Variants in JMJD1C observed in about 807,000 individuals in gnomAD.
JMJD1C encodes jumonji domain containing 1C.
Under a neutral mutation model 245.3 loss-of-function variants are expected in JMJD1C, and 31 were observed. That is an observed-to-expected ratio of 0.13 (90% CI 0.09 to 0.17). The LOEUF (loss-of-function observed/expected upper bound fraction) is 0.17. Ranked by LOEUF, JMJD1C falls within the 10% of genes least tolerant of loss-of-function variation. The probability of loss-of-function intolerance (pLI) is 1.00; values close to 1 mark genes in which losing one functional copy is unlikely to be tolerated. For synonymous variants in JMJD1C, 1,057 were observed against 1,017.4 expected (o/e 1.04, Z -0.74); for missense variants, 2,691 against 3,000.2 (o/e 0.90, Z 2.41).
At chr10:63,310,559 CG>C (rs1245179640) in intron 2 of JMJD1C, among the ~76,000 whole-genome samples, 1 of 152,026 alleles carries the variant, frequency 6.6e-6, no homozygotes, top group African/African-American at 2.4e-5. Flanking sequence ...TGCTTAGAAA[CG>C]TAATACACTA....
chr10:63,301,264 C>T (rs1026866748), intron 2 of JMJD1C, among the ~76,000 whole-genome samples: 2 of 152,228 alleles, frequency 1.3e-5, no homozygotes, highest in African/African-American at 4.8e-5. Flanking sequence ...ATCCTCCCAC[C>T]TTGGCCTACC....
chr10:63,451,863 G>T (rs146200558), intron 1 of JMJD1C, among the ~76,000 whole-genome samples: 75 of 152,290 alleles, frequency 4.9e-4, no homozygotes, highest in African/African-American at 1.7e-3. Context: ...TCAATAAATG[G>T]AGCTGAGAAA....
In JMJD1C at chr10:63,455,582, TG is replaced by T. The variant is rs1952358325; in HGVS notation, c.168+9912del. 2.0e-5 allele frequency among the ~76,000 whole-genome samples: 3 copies of T among 152,324 alleles called. No homozygotes were observed. The East Asian group carries it at 5.8e-4, about 29-fold the overall frequency. ...ACAGCTCTTCATTTGCTATTTCCCT[TG>T]TATTAAGCTACCAGATTCAGATTTT... On this transcript the variant is annotated intron_variant, in intron 1 of 25. Transcript: ENST00000399262.
intron 2 of JMJD1C, among the ~76,000 whole-genome samples, chr10:63,284,686 T>G (rs1315546127): frequency 2.6e-5 from 4 of 152,084 alleles, no homozygotes; most frequent in African/African-American, 9.7e-5. Flanking sequence ...TATTTAACAT[T>G]GAAATAAATG....
rs189134456 is a variant in JMJD1C, at chr10:63,177,264, T to C, written c.7224+453A>G. On this transcript the variant is annotated intron_variant, in intron 23 of 25. Transcript: ENST00000399262. The stretch of plus-strand genomic sequence containing the variant: ...GGTATGATTACTCAAAATCTGAGTC[T>C]ACTCAGTAAGTATCATAGTATCAGA... The C allele has an allele frequency of 5.0e-3, 805 of 161,696 alleles. 8 individuals are homozygous for C. The highest frequency in any genetic ancestry group is 0.012 in the Middle Eastern group (4 of 324). The allele number at this position is 161,696 out of a possible 1,614,324, so 10.0% of individuals were successfully genotyped here.
intron 2 of JMJD1C, among the ~76,000 whole-genome samples, chr10:63,318,734 G>A (rs1168358483): frequency 2.0e-5 from 3 of 151,892 alleles, no homozygotes; most frequent in African/African-American, 7.3e-5. Flanking sequence ...TAGACTTTTA[G>A]GTTCAGGGTT....
chr10:63,188,685 AGAG>A (rs950079364), intron 18 of JMJD1C, among the ~76,000 whole-genome samples: 8 of 152,234 alleles, frequency 5.3e-5, no homozygotes, highest in Admixed American at 2.6e-4. Context: ...CATTTATATT[AGAG>A]GAGAATGAAA....
intron 2 of JMJD1C, among the ~76,000 whole-genome samples, chr10:63,300,668 A>T (rs1859973956): frequency 6.6e-6 from 1 of 151,462 alleles, no homozygotes; most frequent in South Asian, 2.1e-4. Context: ...AAGGCGGTAG[A>T]TCTCATGAGG....
chr10:63,337,759 TG>T (rs1942984870), intron 2 of JMJD1C, among the ~76,000 whole-genome samples: 1 of 152,128 alleles, frequency 6.6e-6, no homozygotes, highest in Non-Finnish European at 1.5e-5. Flanking sequence ...AGCAAGCTGA[TG>T]AGCCAGAAGA....
chr10:63,236,235 T>A (rs1850717322), intron 3 of JMJD1C, among the ~76,000 whole-genome samples: 1 of 152,160 alleles, frequency 6.6e-6, no homozygotes, highest in Non-Finnish European at 1.5e-5. Flanking sequence ...CTGAAACCTA[T>A]CTTTCATAAC....
intron 2 of JMJD1C, among the ~76,000 whole-genome samples, chr10:63,306,842 C>T (rs1223796510): frequency 6.6e-6 from 1 of 152,088 alleles, no homozygotes; most frequent in Non-Finnish European, 1.5e-5. Context: ...GCTTTACTGC[C>T]ATATGAAACA....
At chr10:63,292,143 G>GGTTTTTTTTTTTTTTT (rs1396774570) in intron 2 of JMJD1C, among the ~76,000 whole-genome samples, 1 of 13,512 alleles carries the variant, frequency 7.4e-5, no homozygotes. Context: ...TGTAGAGACA[G>GGTTTTTTTTTTTTTTT]ATTTTTTTTT....
intron 2 of JMJD1C, among the ~76,000 whole-genome samples, chr10:63,376,497 G>C (rs1946754329): frequency 6.6e-6 from 1 of 151,872 alleles, no homozygotes; most frequent in Admixed American, 6.6e-5. Flanking sequence ...CCTGTAAAAT[G>C]AAAGAAAATG....
intron 1 of JMJD1C, among the ~76,000 whole-genome samples, chr10:63,507,174 T>A (rs1359298058): frequency 1.3e-5 from 2 of 152,236 alleles, no homozygotes; most frequent in South Asian, 2.1e-4. Context: ...CTAAAAGGCA[T>A]CTTGGTTATT....
intron 2 of JMJD1C, among the ~76,000 whole-genome samples, chr10:63,319,195 T>C (rs1270083225): frequency 6.8e-6 from 1 of 147,864 alleles, no homozygotes; most frequent in Non-Finnish European, 1.5e-5. Flanking sequence ...AGGCGGAGCT[T>C]GCAGTGTGCT....
chr10:63,515,488 G>A (rs1351855384), intron 1 of JMJD1C, among the ~76,000 whole-genome samples: 1 of 152,192 alleles, frequency 6.6e-6, no homozygotes, highest in Non-Finnish European at 1.5e-5. Context: ...TTAGGTCTCA[G>A]ACTTGTCCAC....
At chr10:63,338,188 G>A (rs1943027685) in intron 2 of JMJD1C, among the ~76,000 whole-genome samples, 1 of 152,196 alleles carries the variant, frequency 6.6e-6, no homozygotes, top group African/African-American at 2.4e-5. Context: ...AGGCTGGAGT[G>A]CACTGGTGCA....
intron 1 of JMJD1C, among the ~76,000 whole-genome samples, chr10:63,520,426 T>C (rs1955173651): frequency 6.6e-6 from 1 of 152,062 alleles, no homozygotes; most frequent in Non-Finnish European, 1.5e-5. Context: ...AATACTAGAA[T>C]TATCTTTTAC....
chr10:63,397,234 A>G (rs1215016118), intron 1 of JMJD1C, among the ~76,000 whole-genome samples: 1 of 152,116 alleles, frequency 6.6e-6, no homozygotes, highest in East Asian at 1.9e-4. Context: ...TTTATTTGAG[A>G]CAGAGTTTCG....
Sources: allele counts gnomAD v4.1 joint callset (sites outside exome capture counted in the v4.1 genomes callset), GRCh38; gene constraint gnomAD v4.1.1; transcripts MANE v1.5; gene names NCBI Gene and HGNC (gene_info 2026-07-23, HGNC 2026-07-21).